Variants in IL1RAPL2 observed in about 807,000 individuals in gnomAD.
IL1RAPL2 encodes X-linked interleukin-1 receptor accessory protein-like 2.
Under a neutral mutation model 44.1 loss-of-function variants are expected in IL1RAPL2, and 3 were observed. The ratio of observed to expected loss-of-function variants is 0.07; its 90% CI spans 0.03 to 0.18. The LOEUF is 0.18. Among genes scored for constraint, IL1RAPL2 ranks in the 10% least tolerant of loss-of-function variants. The pLI, the probability that IL1RAPL2 is intolerant of heterozygous loss-of-function variation, is 1.00. For missense variants in IL1RAPL2, 391 were observed against 496.4 expected, an observed-to-expected ratio of 0.79 and a Z score of 2.02; for synonymous variants, 181 against 178.8, an observed-to-expected ratio of 1.01 and a Z score of -0.10.
Position 104,602,160 on chromosome X carries a change from C to T in IL1RAPL2, c.-20+35109C>T, listed in dbSNP as rs779938508. Among the ~76,000 whole-genome samples the T allele has an allele frequency of 5.4e-5, 6 of 111,506 alleles. No homozygotes were observed. In the South Asian group the frequency reaches 2.3e-3, roughly 43 times the overall value. On this transcript the variant is annotated intron_variant, in intron 1 of 10. Coordinates refer to ENST00000372582, the MANE Select transcript of IL1RAPL2 (RefSeq NM_017416.2). Reference sequence around the variant, plus strand: ...ATTCATCTCATTGGGACTGGTTGGACAGTGGTTGCAGCCCATGGAGGGTGA... The same window carrying T: ...ATTCATCTCATTGGGACTGGTTGGATAGTGGTTGCAGCCCATGGAGGGTGA...
At chrX:105,576,136 G>A (rs934132553) in intron 6 of IL1RAPL2, among the ~76,000 whole-genome samples, 2 of 111,398 alleles carry the variant, frequency 1.8e-5, no homozygotes, top group Non-Finnish European at 3.8e-5. Context: ...TCTGTTGATA[G>A]TTTCTTTTGC....
chrX:105,032,278 G>T (rs1273531838), intron 2 of IL1RAPL2, among the ~76,000 whole-genome samples: 2 of 107,894 alleles, frequency 1.9e-5, no homozygotes, highest in Non-Finnish European at 3.8e-5. Context: ...GCTTTTGAAT[G>T]TGTTTGCTCT....
At chrX:105,682,359 C>A (rs1276902982) in intron 6 of IL1RAPL2, among the ~76,000 whole-genome samples, 1 of 111,206 alleles carries the variant, frequency 9.0e-6, no homozygotes, top group Non-Finnish European at 1.9e-5. Context: ...CCACAAACAT[C>A]TGTATATTAA....
intron 2 of IL1RAPL2, among the ~76,000 whole-genome samples, chrX:104,834,125 C>T (rs1017019361): frequency 8.9e-6 from 1 of 111,847 alleles, no homozygotes; most frequent in African/African-American, 3.2e-5. Flanking sequence ...CTCCCTAATG[C>T]TAATCCCAAC....
intron 6 of IL1RAPL2, among the ~76,000 whole-genome samples, chrX:105,713,783 C>T (rs764661552): frequency 4.5e-5 from 5 of 111,272 alleles, no homozygotes; most frequent in South Asian, 3.8e-4. Context: ...TGTTTCTATG[C>T]GTATTAATTC....
chrX:104,687,087 T>C, intron 2 of IL1RAPL2, among the ~76,000 whole-genome samples: 1 of 112,295 alleles, frequency 8.9e-6, no homozygotes, highest in Non-Finnish European at 1.9e-5. Context: ...TTCTCTACTA[T>C]AGGATTTACC....
intron 6 of IL1RAPL2, among the ~76,000 whole-genome samples, chrX:105,687,142 C>G (rs2037985913): frequency 9.1e-6 from 1 of 110,312 alleles, no homozygotes; most frequent in African/African-American, 3.3e-5. Context: ...AAATTGACAC[C>G]CTAACATCAC....
intron 6 of IL1RAPL2, among the ~76,000 whole-genome samples, chrX:105,636,571 G>A (rs1016367633): frequency 1.8e-5 from 2 of 111,345 alleles, no homozygotes; most frequent in African/African-American, 6.5e-5. Flanking sequence ...GTGTGAAACT[G>A]TCATTCACTC....
chrX:105,062,540 C>T (rs2032088301), intron 2 of IL1RAPL2, among the ~76,000 whole-genome samples: 1 of 111,172 alleles, frequency 9.0e-6, no homozygotes, highest in Admixed American at 9.7e-5. Flanking sequence ...TTTGTATCTT[C>T]AGGTGGTTAC....
At position 105,680,340 on chromosome X, in the gene IL1RAPL2, C is replaced by T. The variant is rs536709863; in HGVS notation, c.773-37027C>T. ...TAAGGTTCTCAAAACGTCCTAAAGT[C>T]CCTGGCTTGCCAGGAAGTGACCTTC... On this transcript the variant is annotated intron_variant, in intron 6 of 10. Coordinates refer to ENST00000372582, the MANE Select transcript of IL1RAPL2 (RefSeq NM_017416.2). Among the ~76,000 whole-genome samples the T allele has an allele frequency of 6.2e-5, 7 of 112,140 alleles. No individual in the cohort carries two copies. In the South Asian group the frequency reaches 2.6e-3, roughly 42 times the overall value.
intron 5 of IL1RAPL2, among the ~76,000 whole-genome samples, chrX:105,381,526 G>C (rs1216923463): frequency 9.0e-6 from 1 of 111,673 alleles, no homozygotes; most frequent in Non-Finnish European, 1.9e-5. Context: ...TGTTTGCTTT[G>C]GGGAGATTAG....
chrX:105,669,663 A>G (rs185677920), intron 6 of IL1RAPL2, among the ~76,000 whole-genome samples: 4 of 111,042 alleles, frequency 3.6e-5, no homozygotes, highest in Non-Finnish European at 7.5e-5. Context: ...CTATAGCACA[A>G]TCTGACAACC....
At chrX:105,489,744 C>T (rs867467333) in intron 6 of IL1RAPL2, among the ~76,000 whole-genome samples, 9 of 93,139 alleles carry the variant, frequency 9.7e-5, no homozygotes, top group African/African-American at 4.7e-4. Flanking sequence ...CTCTCTCTCT[C>T]TCTTTCTTTC....
At chrX:104,672,120 T>A (rs1045565460) in intron 2 of IL1RAPL2, among the ~76,000 whole-genome samples, 2 of 111,381 alleles carry the variant, frequency 1.8e-5, no homozygotes, top group Admixed American at 1.9e-4. Flanking sequence ...TTTTATACTT[T>A]AAGTTTTAGG....
chrX:105,417,193 G>A (rs1015931801), intron 5 of IL1RAPL2, among the ~76,000 whole-genome samples: 1 of 112,502 alleles, frequency 8.9e-6, no homozygotes, highest in Non-Finnish European at 1.9e-5. Flanking sequence ...TATGAAGTAG[G>A]CCGGGCGCAG....
chrX:105,234,073 A>C, intron 4 of IL1RAPL2, 69 bp downstream of exon 4: 1 of 877,229 alleles, frequency 1.1e-6, no homozygotes, highest in Admixed American at 3.2e-5. Flanking sequence ...GAGGAAAGGG[A>C]GATTTTTTTA....
intron 2 of IL1RAPL2, among the ~76,000 whole-genome samples, chrX:105,149,810 G>T (rs1162816797): frequency 9.2e-6 from 1 of 109,065 alleles, no homozygotes. Context: ...CTCCAGCCTG[G>T]GTGACAGAGC....
chrX:105,484,775 G>A (rs1053529407), intron 6 of IL1RAPL2, among the ~76,000 whole-genome samples: 4 of 110,394 alleles, frequency 3.6e-5, no homozygotes, highest in African/African-American at 1.3e-4. Flanking sequence ...TACAGGCTTC[G>A]GTTTCGCCTT....
Position 105,060,773 on chromosome X carries a change from TG to T in IL1RAPL2, c.83-134700del, listed in dbSNP as rs2032065273. On this transcript the variant is annotated intron_variant, in intron 2 of 10. Coordinates refer to ENST00000372582, the MANE Select transcript of IL1RAPL2 (RefSeq NM_017416.2). ...GTTGGATTTCTTTATGATTTAATCTTGGTAGGTTGTATGTGTCTAGAAATGT... is the reference window on the plus strand; with the variant it reads ...GTTGGATTTCTTTATGATTTAATCTTGTAGGTTGTATGTGTCTAGAAATGT... Among the ~76,000 whole-genome samples the T allele has an allele frequency of 2.7e-5, 3 of 109,822 alleles. No individual in the cohort carries two copies. The South Asian group carries it at 1.1e-3, about 42-fold the overall frequency.
Sources: gnomAD v4.1 joint callset for allele counts (sites outside exome capture counted in the v4.1 genomes callset) on GRCh38, gnomAD v4.1.1 for gene constraint, MANE v1.5 for transcripts, NCBI Gene and HGNC (gene_info 2026-07-23, HGNC 2026-07-21) for gene names.